GALNT13: variants seen among roughly 807,000 people sequenced by gnomAD.
GALNT13 encodes the protein UDP-GalNAc:polypeptide N-acetylgalactosaminyltransferase 13.
GALNT13 carries 28 observed loss-of-function variants against 64.2 expected under a neutral mutation model. The observed-to-expected ratio is 0.44, with a 90% CI of 0.32 to 0.60. GALNT13 has a LOEUF of 0.60. Ranked by LOEUF, GALNT13 falls within the 20% of genes least tolerant of loss-of-function variation. GALNT13 has a pLI of 0.05. For synonymous variants in GALNT13, 214 were observed against 224.6 expected (o/e 0.95, Z 0.42); for missense variants, 577 against 669.8 (o/e 0.86, Z 1.53).
chr2:153,966,604 G>A (rs1410080784), intron 3 of GALNT13, among the ~76,000 whole-genome samples: 1 of 151,880 alleles, frequency 6.6e-6, no homozygotes, highest in Non-Finnish European at 1.5e-5. Context: ...TCATGACCTC[G>A]TGATCCGCCC....
chr2:154,384,822 C>T (rs529712874), intron 9 of GALNT13, among the ~76,000 whole-genome samples: 339 of 151,960 alleles, frequency 2.2e-3, no homozygotes, highest in African/African-American at 7.5e-3. Context: ...TCTTTCAAGT[C>T]CCTGAAACCA....
the GALNT13 span, among the ~76,000 whole-genome samples, chr2:153,159,985 A>G: frequency 6.6e-6 from 1 of 152,230 alleles, no homozygotes; most frequent in Admixed American, 6.5e-5. Context: ...TGCCTTTATT[A>G]AAACTGTCTG....
rs534725838 is a variant in GALNT13 at position 154,396,326 on chromosome 2, A to G, written c.1296+196A>G. 9.2e-5 allele frequency among the ~76,000 whole-genome samples: 14 copies of G among 152,250 alleles called. No homozygotes were observed. In the South Asian group the frequency reaches 2.9e-3, roughly 32 times the overall value. On this transcript the variant is annotated intron_variant, in intron 10 of 12. Coordinates refer to ENST00000392825, the MANE Select transcript of GALNT13 (RefSeq NM_052917.4). ...CATAAAAATGAGCAGAAATTTTAAC[A>G]TTGAACAAAAAAAAAATTTTTTTAA...
the GALNT13 span, among the ~76,000 whole-genome samples, chr2:153,258,568 C>T: frequency 6.6e-6 from 1 of 151,982 alleles, no homozygotes; most frequent in Non-Finnish European, 1.5e-5. Context: ...CGAAGTTTTT[C>T]TATTGTTTTG....
At chr2:153,272,074 T>C in the GALNT13 span, among the ~76,000 whole-genome samples, 5 of 151,872 alleles carry the variant, frequency 3.3e-5, no homozygotes, top group African/African-American at 4.8e-5. Context: ...ATGCAGAAAA[T>C]TGAAACCGGA....
At chr2:153,899,787 C>A (rs1372316161) in intron 1 of GALNT13, among the ~76,000 whole-genome samples, 1 of 151,890 alleles carries the variant, frequency 6.6e-6, no homozygotes, top group African/African-American at 2.4e-5. Context: ...AGCAGAAATT[C>A]TGTTTGTTGC....
At chr2:153,281,729 C>T in the GALNT13 span, among the ~76,000 whole-genome samples, 1 of 151,530 alleles carries the variant, frequency 6.6e-6, no homozygotes, top group Non-Finnish European at 1.5e-5. Context: ...CCCAATCTTT[C>T]CTGACTTGTA....
the GALNT13 span, among the ~76,000 whole-genome samples, chr2:153,724,765 C>G: frequency 7.4e-6 from 1 of 135,338 alleles, no homozygotes; most frequent in Non-Finnish European, 1.5e-5. Flanking sequence ...GATATCATCT[C>G]ACACCAGTTA....
At chr2:153,601,014 A>G in the GALNT13 span, among the ~76,000 whole-genome samples, 1 of 151,924 alleles carries the variant, frequency 6.6e-6, no homozygotes, top group South Asian at 2.1e-4. Flanking sequence ...CTAATTTCAT[A>G]TGTATATTAT....
chr2:153,157,162 A>C, the GALNT13 span, among the ~76,000 whole-genome samples: 1 of 152,224 alleles, frequency 6.6e-6, no homozygotes, highest in Admixed American at 6.5e-5. Context: ...AATAATCACA[A>C]TTCTGTTCCC....
chr2:153,802,683 T>G, the GALNT13 span, among the ~76,000 whole-genome samples: 14 of 152,236 alleles, frequency 9.2e-5, no homozygotes, highest in Admixed American at 9.2e-4. Flanking sequence ...AAGGTATTCA[T>G]CCTGCAGAGG....
chr2:153,545,368 C>T, the GALNT13 span, among the ~76,000 whole-genome samples: 1 of 152,110 alleles, frequency 6.6e-6, no homozygotes, highest in African/African-American at 2.4e-5. Context: ...CATGTTGATT[C>T]CATGTACACA....
chr2:154,179,967 G>C (rs1246440328), intron 4 of GALNT13, among the ~76,000 whole-genome samples: 1 of 152,160 alleles, frequency 6.6e-6, no homozygotes, highest in Admixed American at 6.5e-5. Flanking sequence ...CTGACTTAGA[G>C]TGCATTTTAT....
intron 3 of GALNT13, among the ~76,000 whole-genome samples, chr2:154,068,399 A>T (rs1700575873): frequency 6.6e-6 from 1 of 151,988 alleles, no homozygotes; most frequent in Admixed American, 6.6e-5. Context: ...TATGTCTAAG[A>T]TATAGACATA....
Position 154,259,076 on chromosome 2 carries a change from A to C in GALNT13, c.913A>C (p.Ile305Leu). The change falls in exon 8 of 13, where the codon ATA becomes CTA. Residue 305 changes from isoleucine (I) to leucine (L), a missense_variant. By Grantham distance (5) the Ile-to-Leu change is conservative (BLOSUM62 2). This residue lies in a region of GALNT13 where 341 missense variants were observed against 379.3 expected (regional missense o/e 0.90). Coordinates refer to ENST00000392825, the MANE Select transcript of GALNT13 (RefSeq NM_052917.4). ...TATTGACAGAAACTACTTTGAAGAGATAGGAACTTACGATGCAGGAATGGA... is the reference window on the plus strand; with the variant it reads ...TATTGACAGAAACTACTTTGAAGAGCTAGGAACTTACGATGCAGGAATGGA... Reference protein sequence around the residue: ...FSIDRNYFEEIGTYDAGMDIW... With the variant: ...FSIDRNYFEELGTYDAGMDIW... 6.2e-7 allele frequency: 1 copy of C among 1,610,534 alleles called. No individual in the cohort carries two copies. The highest frequency in any genetic ancestry group is 8.5e-7 in the Non-Finnish European group (1 of 1,177,962).
the GALNT13 span, among the ~76,000 whole-genome samples, chr2:153,843,338 C>T: frequency 6.6e-6 from 1 of 152,178 alleles, no homozygotes; most frequent in Non-Finnish European, 1.5e-5. Flanking sequence ...GAGTGCCACA[C>T]ACTTTTAAAT....
At chr2:153,094,789 A>C in the GALNT13 span, among the ~76,000 whole-genome samples, 1 of 152,212 alleles carries the variant, frequency 6.6e-6, no homozygotes, top group East Asian at 1.9e-4. Context: ...AAATGGGGAA[A>C]GGATTCCCTA....
chr2:153,685,386 T>A, the GALNT13 span, among the ~76,000 whole-genome samples: 1 of 152,106 alleles, frequency 6.6e-6, no homozygotes. Context: ...TATCTCATTG[T>A]GGTTTTGATT....
At chr2:153,668,667 C>A in the GALNT13 span, among the ~76,000 whole-genome samples, 1 of 152,028 alleles carries the variant, frequency 6.6e-6, no homozygotes, top group Non-Finnish European at 1.5e-5. Flanking sequence ...GTGTTCCTGG[C>A]CCCCACCTAC....
Sources: allele counts gnomAD v4.1 joint callset (sites outside exome capture counted in the v4.1 genomes callset), GRCh38; gene constraint gnomAD v4.1.1; regional missense constraint gnomAD v4.1.1; transcripts MANE v1.5; gene names NCBI Gene and HGNC (gene_info 2026-07-23, HGNC 2026-07-21).